BCKDHB: variants seen among roughly 807,000 people sequenced by gnomAD.
BCKDHB encodes 2-oxoisovalerate dehydrogenase subunit beta, mitochondrial.
A neutral mutation model predicts 48.5 loss-of-function variants in BCKDHB; 41 were observed. The ratio of observed to expected loss-of-function variants is 0.85; its 90% CI spans 0.66 to 1.10. The LOEUF (loss-of-function observed/expected upper bound fraction) is 1.10, where lower values mean the gene tolerates loss of function less well. Ranked by LOEUF, BCKDHB falls within the 50% of genes least tolerant of loss-of-function variation. BCKDHB has a pLI of 0.00. For synonymous variants in BCKDHB, 201 were observed against 174.8 expected (o/e 1.15, Z -1.18); for missense variants, 496 against 494.2 (o/e 1.00, Z -0.03).
chr6:80,267,381 G>A (rs79048064), intron 8 of BCKDHB, among the ~76,000 whole-genome samples: 1 of 151,928 alleles, frequency 6.6e-6, no homozygotes. Context: ...AAATGGTTAC[G>A]AGTACATAGA....
At chr6:80,360,524 T>C in the BCKDHB span, among the ~76,000 whole-genome samples, 12 of 152,222 alleles carry the variant, frequency 7.9e-5, no homozygotes, top group Admixed American at 7.9e-4. Context: ...GTAATCTCTT[T>C]AATGTCAGCT....
At chr6:80,250,661 G>A (rs1776800533) in intron 8 of BCKDHB, among the ~76,000 whole-genome samples, 1 of 152,176 alleles carries the variant, frequency 6.6e-6, no homozygotes, top group Non-Finnish European at 1.5e-5. Context: ...ATCACTGAAT[G>A]CAGAATTGGG....
At chr6:80,442,640 A>C in the BCKDHB span, among the ~76,000 whole-genome samples, 631 of 152,240 alleles carry the variant, frequency 4.1e-3, 3 homozygotes, top group Middle Eastern at 0.017. Flanking sequence ...GATAGAGAAG[A>C]GAGAAAGAGG....
At chr6:80,109,722 C>T (rs1399121159) in intron 1 of BCKDHB, among the ~76,000 whole-genome samples, 1 of 152,122 alleles carries the variant, frequency 6.6e-6, no homozygotes, top group East Asian at 1.9e-4. Context: ...AAAGTATACT[C>T]AGTATTTTTC....
At chr6:80,171,107 T>C (rs1772891673) in intron 5 of BCKDHB, among the ~76,000 whole-genome samples, 175 bp from the exon 6 acceptor site, 1 of 152,122 alleles carries the variant, frequency 6.6e-6, no homozygotes, top group Non-Finnish European at 1.5e-5. Context: ...ATAAGAGGCA[T>C]TTTTATTTTT....
At chr6:80,432,018 G>A in the BCKDHB span, among the ~76,000 whole-genome samples, 1 of 151,598 alleles carries the variant, frequency 6.6e-6, no homozygotes, top group Admixed American at 6.6e-5. Context: ...TTGAATATTG[G>A]CCCCCATGCT....
chr6:80,425,425 T>C, the BCKDHB span, among the ~76,000 whole-genome samples: 6 of 152,304 alleles, frequency 3.9e-5, no homozygotes, highest in East Asian at 1.2e-3. Flanking sequence ...TTTTTTCAAC[T>C]GAAGAAATAT....
At position 80,130,763 on chromosome 6, in the gene BCKDHB, C is replaced by T. The variant is rs80015225; in HGVS notation, c.343+1534C>T. On this transcript the variant is annotated intron_variant, in intron 3 of 9. Transcript: ENST00000320393. The stretch of plus-strand genomic sequence containing the variant: ...ATAACTTGGAGATAACCACTGTACA[C>T]GTCTTGGTATATATACTTCTAGACT... Among the ~76,000 whole-genome samples, 1,396 of 152,234 alleles carry T rather than the reference C, an allele frequency of 9.2e-3. 27 individuals are homozygous for T. The highest frequency in any genetic ancestry group is 0.031 in the African/African-American group (1,301 of 41,534).
At chr6:80,359,302 C>T in the BCKDHB span, among the ~76,000 whole-genome samples, 1 of 152,152 alleles carries the variant, frequency 6.6e-6, no homozygotes, top group Non-Finnish European at 1.5e-5. Flanking sequence ...GCTCTCTTCC[C>T]TTGCCTCCAC....
chr6:80,447,035 G>T, the BCKDHB span, among the ~76,000 whole-genome samples: 1 of 152,084 alleles, frequency 6.6e-6, no homozygotes, highest in African/African-American at 2.4e-5. Flanking sequence ...GTCCAAGATG[G>T]CAATGCTCCT....
intron 6 of BCKDHB, among the ~76,000 whole-genome samples, chr6:80,187,925 C>A (rs1411043614): frequency 6.6e-6 from 1 of 152,098 alleles, no homozygotes; most frequent in Non-Finnish European, 1.5e-5. Flanking sequence ...TTTGTGTTTT[C>A]TCAAAGAACT....
the BCKDHB span, among the ~76,000 whole-genome samples, chr6:80,411,356 G>A: frequency 5.3e-5 from 8 of 152,178 alleles, no homozygotes; most frequent in African/African-American, 1.9e-4. Context: ...AGGGGGACCT[G>A]CCTGTATGAG....
intron 1 of BCKDHB, among the ~76,000 whole-genome samples, chr6:80,119,666 T>G (rs944114673): frequency 6.6e-6 from 1 of 152,194 alleles, no homozygotes; most frequent in Non-Finnish European, 1.5e-5. Context: ...ACATTCTAAA[T>G]GGCATCTAGA....
intron 1 of BCKDHB, among the ~76,000 whole-genome samples, chr6:80,108,706 A>G (rs1769260326): frequency 6.6e-6 from 1 of 152,072 alleles, no homozygotes; most frequent in Admixed American, 6.5e-5. Flanking sequence ...CCAAAAATAC[A>G]AAAATTAGCT....
intron 8 of BCKDHB, among the ~76,000 whole-genome samples, chr6:80,227,513 T>G (rs1481821916): frequency 6.6e-6 from 1 of 152,234 alleles, no homozygotes; most frequent in African/African-American, 2.4e-5. Context: ...GAAAAGTATT[T>G]GGGTTCCAGT....
chr6:80,358,703 A>T, the BCKDHB span, among the ~76,000 whole-genome samples: 1 of 152,186 alleles, frequency 6.6e-6, no homozygotes, highest in Admixed American at 6.5e-5. Context: ...GAGATTGGTG[A>T]TTTCCAGGGA....
intron 3 of BCKDHB, among the ~76,000 whole-genome samples, chr6:80,139,784 T>C (rs1185512745): frequency 2.9e-4 from 43 of 150,416 alleles, no homozygotes; most frequent in African/African-American, 8.8e-4. Flanking sequence ...CTTGGCGATG[T>C]GGGCTCTTTT....
the BCKDHB span, among the ~76,000 whole-genome samples, chr6:80,429,439 A>T: frequency 7.2e-5 from 11 of 152,172 alleles, no homozygotes; most frequent in Admixed American, 2.0e-4. Flanking sequence ...TTGGAATAGC[A>T]TTGAATCTAT....
chr6:80,355,432 C>G, the BCKDHB span: 1 of 136,496 alleles, frequency 7.3e-6, no homozygotes, highest in Non-Finnish European at 1.6e-5. Context: ...GAAGAAAATA[C>G]TTTGTGTAAA....
Sources: gnomAD v4.1 joint callset for allele counts (sites outside exome capture counted in the v4.1 genomes callset) on GRCh38, gnomAD v4.1.1 for gene constraint, MANE v1.5 for transcripts, NCBI Gene and HGNC (gene_info 2026-07-23, HGNC 2026-07-21) for gene names.